IL1R1: variants seen among roughly 807,000 people sequenced by gnomAD.
IL1R1 encodes interleukin 1 receptor type 1.
Under a neutral mutation model 50.2 loss-of-function variants are expected in IL1R1, and 22 were observed. The ratio of observed to expected loss-of-function variants is 0.44; its 90% CI spans 0.31 to 0.63. IL1R1 has a LOEUF of 0.63. Among genes scored for constraint, IL1R1 ranks in the 20% least tolerant of loss-of-function variants. The pLI is 0.07. For missense variants in IL1R1, 509 were observed against 676.2 expected (o/e 0.75, Z 2.74); for synonymous variants, 251 against 236.7 (o/e 1.06, Z -0.55).
At chr2:102,140,198 T>C (rs532550882), upstream of IL1R1, among the ~76,000 whole-genome samples, 1 of 152,386 alleles carries the variant, frequency 6.6e-6, no homozygotes, top group East Asian at 1.9e-4. Flanking sequence ...AAAATACTTC[T>C]TCTTTCAAGC....
intron 9 of IL1R1, among the ~76,000 whole-genome samples, chr2:102,173,125 G>T (rs1335997236): frequency 6.6e-6 from 1 of 152,110 alleles, no homozygotes; most frequent in Non-Finnish European, 1.5e-5. Context: ...TTCGTTTTCT[G>T]TACTTAACTA....
Position 102,148,945 on chromosome 2 carries a change from AAAACAAACAAACAAAC to A in IL1R1, c.-83-4975_-83-4960del, listed in dbSNP as rs35503646. On this transcript the variant is annotated intron_variant, in intron 1 of 11. Transcript: ENST00000410023. ...GGGTAACAGAGCAAGACTCTGTCTC[AAAACAAACAAACAAAC>A]AAACAAACAAACAAACAAACGGGTA... 3.0e-4 allele frequency among the ~76,000 whole-genome samples: 45 copies of A among 150,702 alleles called. No individual in the cohort carries two copies. The East Asian group carries it at 7.9e-3, about 26-fold the overall frequency.
upstream of IL1R1, among the ~76,000 whole-genome samples, chr2:102,099,601 A>G (rs1680053672): frequency 6.6e-6 from 1 of 151,988 alleles, no homozygotes; most frequent in Admixed American, 6.6e-5. Flanking sequence ...AGCCTTTGTT[A>G]TTGTTTTCTC....
chr2:102,176,689 CT>C lies in IL1R1; in HGVS notation c.1641del (p.Lys548AsnfsTer32). 6.2e-7 allele frequency: 1 copy of C among 1,614,204 alleles called. No individual in the cohort carries two copies. On this transcript the variant is annotated frameshift_variant, in exon 12 of 12. Transcript: ENST00000410023. LOFTEE classifies it low-confidence loss of function (END_TRUNC). Reference sequence around the variant, plus strand: ...CCAGTCCAGCGACGGTCACCTTCATCTAAACACCAGTTACTGTCACCAGCCA... The same window carrying C: ...CCAGTCCAGCGACGGTCACCTTCATCAAACACCAGTTACTGTCACCAGCCA... ...HMPVQRRSPS[S>X]KHQLLSPATK...
chr2:102,076,783 A>G (rs1169303617), intron 1 of IL1R1, among the ~76,000 whole-genome samples: 3 of 151,798 alleles, frequency 2.0e-5, no homozygotes, highest in Admixed American at 1.3e-4. Flanking sequence ...AGTTGTCTTC[A>G]TATTTTTTGT....
intron 1 of IL1R1, among the ~76,000 whole-genome samples, chr2:102,126,828 G>A (rs139665277): frequency 9.5e-4 from 144 of 152,286 alleles, no homozygotes; most frequent in African/African-American, 3.1e-3. Flanking sequence ...TGGGAACCAC[G>A]GATTCAAGCC....
At position 102,176,886 on chromosome 2, in the gene IL1R1, C is replaced by G; in HGVS notation, c.*127C>G. On this transcript the variant is annotated 3_prime_UTR_variant, in exon 12 of 12. Coordinates refer to ENST00000410023, the MANE Select transcript of IL1R1 (RefSeq NM_000877.4). ...ATATCATCCTTTATCCCTGAGGTCA[C>G]CTGGAATCAGATTATTAAGGGAATA... is the stretch of plus-strand genomic sequence containing the variant. The G allele has an allele frequency of 1.1e-6, 1 of 897,050 alleles. No homozygotes were observed. Among genetic ancestry groups the G allele is most frequent in the East Asian group, 2.5e-5 (1 of 40,534 alleles). The allele number at this position is 897,050 out of a possible 1,614,324, so 55.6% of individuals were successfully genotyped here.
At chr2:102,176,324 C>A in intron 11 of IL1R1, 29 bp from the exon 12 acceptor site, 3 of 1,591,790 alleles carry the variant, frequency 1.9e-6, no homozygotes, top group Non-Finnish European at 2.6e-6. Context: ...TAGAATTTTA[C>A]TTACTATATT....
intron 1 of IL1R1, among the ~76,000 whole-genome samples, chr2:102,074,850 A>G (rs1558644): frequency 0.16 from 24,449 of 152,122 alleles, 2,726 homozygotes; most frequent in East Asian, 0.53. Flanking sequence ...TTTCTTCTTT[A>G]CTAAACATTT....
At position 102,171,799 on chromosome 2, in the gene IL1R1, A is replaced by T; in HGVS notation, c.722-2A>T. ...TTAAGATTAAAAATACATTCTTTGCAGGATCCCAGATACAATTGATCTGTA... is the reference window on the plus strand; with the variant it reads ...TTAAGATTAAAAATACATTCTTTGCTGGATCCCAGATACAATTGATCTGTA... On this transcript the variant is annotated splice_acceptor_variant, in intron 7 of 11. Transcript: ENST00000410023. LOFTEE classifies it high-confidence loss of function. 1.3e-6 allele frequency: 2 copies of T among 1,534,444 alleles called. No individual in the cohort carries two copies. Among genetic ancestry groups the T allele is most frequent in the Non-Finnish European group, 1.8e-6 (2 of 1,112,894 alleles).
At position 102,165,166 on chromosome 2, in the gene IL1R1, T is replaced by A; in HGVS notation, c.348T>A (p.Asn116Lys). ...AAATAAGTGCAAAATTTGTGGAGAA[T>A]GAGCCTAACTTATGTTATAATGCAC... The part of the protein sequence containing the change: ...RIKISAKFVE[N>K]EPNLCYNAQA... Residue 116 changes from asparagine (N) to lysine (K), a missense_variant, in exon 5 of 12, where the codon AAT becomes AAA. By Grantham distance (94) the Asn-to-Lys change is moderately conservative. Transcript: ENST00000410023. The A allele has an allele frequency of 4.4e-6, 7 of 1,587,630 alleles. No homozygotes were observed. Among genetic ancestry groups the A allele is most frequent in the Non-Finnish European group, 6.0e-6 (7 of 1,172,622 alleles).
At position 102,172,801 on chromosome 2, in the gene IL1R1, T is replaced by G; in HGVS notation, c.954T>G (p.His318Gln). 1 of 1,611,128 alleles carries G rather than the reference T, an allele frequency of 6.2e-7. No homozygotes were observed. Among genetic ancestry groups the G allele is most frequent in the Non-Finnish European group, 8.5e-7 (1 of 1,177,750 alleles). Residue 318 changes from histidine to glutamine, a missense_variant, in exon 9 of 12, where the codon CAT (histidine) becomes CAG (glutamine). Coordinates refer to ENST00000410023, the MANE Select transcript of IL1R1 (RefSeq NM_000877.4). ...TTACCTGTTTTGCCAAGAATACACA[T>G]GGTATAGATGCAGCATATATCCAGT... ...HPFTCFAKNT[H>Q]GIDAAYIQLI... is the part of the protein sequence containing the mutation.
Position 102,157,783 on chromosome 2 carries a change from C to A in IL1R1, c.59C>A (p.Ala20Asp). ...FIALLISSLE[A>D]DKCKEREEKI... ...GCTCTACTGATTTCTTCTCTGGAGG[C>A]TGGTAAGTTAAGTATTTCTTTGTGT... Residue 20 changes from alanine to aspartate, a missense_variant and splice_region_variant, in exon 3 of 12, where the codon GCT (alanine) becomes GAT (aspartate). Coordinates refer to ENST00000410023, the MANE Select transcript of IL1R1 (RefSeq NM_000877.4). 1 of 1,589,580 alleles carries A rather than the reference C, an allele frequency of 6.3e-7. No homozygotes were observed. The highest frequency in any genetic ancestry group is 1.3e-5 in the African/African-American group (1 of 74,512).
intron 1 of IL1R1, among the ~76,000 whole-genome samples, chr2:102,124,052 G>C (rs1681550832): frequency 6.6e-6 from 1 of 152,132 alleles, no homozygotes; most frequent in Admixed American, 6.5e-5. Context: ...TCTTGAGGCA[G>C]GGAAAGGTTA....
At chr2:102,072,716 A>G (rs1314660160) in intron 1 of IL1R1, among the ~76,000 whole-genome samples, 2 of 152,306 alleles carry the variant, frequency 1.3e-5, no homozygotes, top group East Asian at 3.9e-4. Context: ...GATTGGTAAT[A>G]CATGTTGCAA....
At chr2:102,146,320 C>T (rs1324186547) in intron 1 of IL1R1, among the ~76,000 whole-genome samples, 1 of 152,048 alleles carries the variant, frequency 6.6e-6, no homozygotes, top group East Asian at 1.9e-4. Flanking sequence ...TTAAAACACC[C>T]CTTTTATAAT....
intron 1 of IL1R1, among the ~76,000 whole-genome samples, chr2:102,112,609 G>C (rs191601872): frequency 6.6e-6 from 1 of 152,324 alleles, no homozygotes; most frequent in Admixed American, 6.5e-5. Flanking sequence ...GATGGGGGTT[G>C]TCAAGGCCTA....
Position 102,179,604 on chromosome 2 carries a change from G to A in IL1R1, c.*2845G>A, listed in dbSNP as rs201315769. 3.3e-5 allele frequency: 5 copies of A among 152,528 alleles called. No individual in the cohort carries two copies. Among genetic ancestry groups the A allele is most frequent in the East Asian group, 1.9e-4 (1 of 5,324 alleles). 9.4% of individuals were successfully genotyped at this position (152,528 alleles called of 1,614,324 possible). ...AAATGCAACAAAATATTTAATTACC[G>A]GTTGTTAAAACTGGTTTAGCACAAT... On this transcript the variant is annotated 3_prime_UTR_variant, in exon 12 of 12. Coordinates refer to ENST00000410023, the MANE Select transcript of IL1R1 (RefSeq NM_000877.4).
chr2:102,143,971 C>T (rs986079099), intron 1 of IL1R1, among the ~76,000 whole-genome samples: 3 of 152,182 alleles, frequency 2.0e-5, no homozygotes, highest in Admixed American at 6.5e-5. Flanking sequence ...ATGTCTCAGT[C>T]GCTGCGGTTT....
Sources: allele counts gnomAD v4.1 joint callset (sites outside exome capture counted in the v4.1 genomes callset), GRCh38; gene constraint gnomAD v4.1.1; transcripts MANE v1.5; gene names NCBI Gene and HGNC (gene_info 2026-07-23, HGNC 2026-07-21).